The following OR51B5 variants were observed in gnomAD, a reference collection of about 807,000 sequenced individuals.
OR51B5 encodes olfactory receptor 51B5.
For synonymous variants in OR51B5, 186 were observed against 144.8 expected (o/e 1.28, Z -2.04); for missense variants, 456 against 374.6 (o/e 1.22, Z -1.79).
At chr11:5,443,863 GCACA>G (rs533103895) in intron 1 of OR51B5, among the ~76,000 whole-genome samples, 1 of 150,676 alleles carries the variant, frequency 6.6e-6, no homozygotes, top group Non-Finnish European at 1.5e-5. Context: ...AATATCATGA[GCACA>G]CACACACACA....
chr11:5,424,509 C>G (rs1027392010), intron 1 of OR51B5, among the ~76,000 whole-genome samples: 1 of 151,962 alleles, frequency 6.6e-6, no homozygotes, highest in African/African-American at 2.4e-5. Flanking sequence ...TTCCTGAGGC[C>G]GCCCTCCATC....
intron 1 of OR51B5, among the ~76,000 whole-genome samples, chr11:5,503,906 T>C (rs182510512): frequency 6.6e-6 from 1 of 152,310 alleles, no homozygotes; most frequent in Admixed American, 6.5e-5. Context: ...TTAGACTGTC[T>C]AATCCTGGCT....
chr11:5,354,878 T>C (rs777485218), intron 1 of OR51B5: 2 of 180,590 alleles, frequency 1.1e-5, no homozygotes, highest in Non-Finnish European at 2.3e-5. Context: ...CTGAGGATGT[T>C]TAGAAGCAAT....
chr11:5,426,514 T>C (rs180753552), intron 1 of OR51B5, among the ~76,000 whole-genome samples: 1 of 152,180 alleles, frequency 6.6e-6, no homozygotes, highest in African/African-American at 2.4e-5. Flanking sequence ...TAAGTAACTT[T>C]GGAAATAGGT....
intron 1 of OR51B5, among the ~76,000 whole-genome samples, chr11:5,358,227 A>G (rs1366933930): frequency 6.6e-6 from 1 of 152,216 alleles, no homozygotes; most frequent in Non-Finnish European, 1.5e-5. Flanking sequence ...AAAGATCAAC[A>G]AAATTGATAG....
chr11:5,375,820 A>G (rs1375289313), intron 1 of OR51B5, among the ~76,000 whole-genome samples: 2 of 152,216 alleles, frequency 1.3e-5, no homozygotes, highest in Non-Finnish European at 2.9e-5. Context: ...GCAAGTCCTT[A>G]GAGACCTACA....
chr11:5,387,475 A>G (rs1589968400), intron 1 of OR51B5, among the ~76,000 whole-genome samples: 1 of 151,906 alleles, frequency 6.6e-6, no homozygotes, highest in East Asian at 1.9e-4. Flanking sequence ...ACCCCTTGCC[A>G]AAGTGATGTA....
chr11:5,500,556 G>T lies in OR51B5; in HGVS notation n.84+5013C>A, dbSNP rs533234812. On this transcript the variant is annotated intron_variant and non_coding_transcript_variant, in intron 1 of 4. Coordinates refer to the OR51B5 transcript ENST00000415970. ...GTATATTTGCCTGATAACAAGAACT[G>T]TCATAAGAGACTCTGCCAAAACCAC... Among the ~76,000 whole-genome samples the T allele has an allele frequency of 6.8e-5, 10 of 148,056 alleles. 1 individual carries two copies. The South Asian group carries it at 8.5e-4, about 13-fold the overall frequency.
exon 1 of OR51B5, chr11:5,343,506 A>T: frequency 9.2e-7 from 1 of 1,092,700 alleles, no homozygotes. Context: ...AAGGGATGGG[A>T]GCTGCCGCTG....
At chr11:5,348,440 C>G (rs895151161), upstream of OR51B5, among the ~76,000 whole-genome samples, 1 of 152,126 alleles carries the variant, frequency 6.6e-6, no homozygotes, top group Non-Finnish European at 1.5e-5. Context: ...CTTCCAAATT[C>G]TTGAGGAGGT....
At chr11:5,357,636 C>A (rs11036986) in intron 1 of OR51B5, among the ~76,000 whole-genome samples, 2 of 150,296 alleles carry the variant, frequency 1.3e-5, no homozygotes, top group Non-Finnish European at 3.0e-5. Context: ...CTGCACCAAG[C>A]GGACCTAATA....
chr11:5,394,273 A>C (rs1294802272), intron 1 of OR51B5, among the ~76,000 whole-genome samples: 1 of 152,172 alleles, frequency 6.6e-6, no homozygotes, highest in Non-Finnish European at 1.5e-5. Context: ...CCCATTTTAC[A>C]GATAAGTACA....
chr11:5,441,129 C>G (rs1850681961), intron 1 of OR51B5: 4 of 1,613,966 alleles, frequency 2.5e-6, no homozygotes, highest in Non-Finnish European at 3.4e-6. Context: ...TAATGGATAA[C>G]AAATAGCCAC....
chr11:5,371,808 C>G (rs1393802587), intron 1 of OR51B5, among the ~76,000 whole-genome samples: 2 of 152,082 alleles, frequency 1.3e-5, no homozygotes, highest in Non-Finnish European at 2.9e-5. Flanking sequence ...GTTTAGTTTA[C>G]AGTACAGTAT....
At chr11:5,371,026 G>A (rs1564925203) in intron 1 of OR51B5, among the ~76,000 whole-genome samples, 1 of 152,206 alleles carries the variant, frequency 6.6e-6, no homozygotes, top group African/African-American at 2.4e-5. Context: ...GCTACCCAAA[G>A]GGACTGGTTT....
intron 1 of OR51B5, among the ~76,000 whole-genome samples, chr11:5,372,277 T>C (rs973888202): frequency 1.3e-5 from 2 of 152,186 alleles, no homozygotes; most frequent in African/African-American, 4.8e-5. Flanking sequence ...TTATTTTGGA[T>C]ACATATACAG....
chr11:5,414,426 A>C (rs1446860673), intron 1 of OR51B5, among the ~76,000 whole-genome samples: 1 of 150,874 alleles, frequency 6.6e-6, no homozygotes, highest in Non-Finnish European at 1.5e-5. Flanking sequence ...AAATTCACAC[A>C]TAACAATATT....
At chr11:5,441,827 G>C (rs374100822) in intron 1 of OR51B5, among the ~76,000 whole-genome samples, 68 of 152,264 alleles carry the variant, frequency 4.5e-4, no homozygotes, top group African/African-American at 1.5e-3. Flanking sequence ...CCAGAAAGAG[G>C]AAATGCATCC....
chr11:5,454,508 AAGAT>A (rs1850923116), intron 1 of OR51B5: 13 of 1,177,308 alleles, frequency 1.1e-5, no homozygotes, highest in Non-Finnish European at 1.4e-5. Flanking sequence ...ATCAAAGTAT[AAGAT>A]AGATTGTGTG....
Sources: gnomAD v4.1 joint callset for allele counts (sites outside exome capture counted in the v4.1 genomes callset) on GRCh38, gnomAD v4.1.1 for gene constraint, MANE v1.5 for transcripts, NCBI Gene and HGNC (gene_info 2026-07-23, HGNC 2026-07-21) for gene names.